NCAM1: variants seen among roughly 807,000 people sequenced by gnomAD.
The protein encoded by NCAM1 is antigen recognized by monoclonal antibody 5.1H11.
In NCAM1, 14 loss-of-function variants were observed where a neutral mutation model predicts 109.8. The observed-to-expected ratio is 0.13, with a 90% CI of 0.08 to 0.20. The LOEUF is 0.20. Ranked by LOEUF, NCAM1 falls within the 10% of genes least tolerant of loss-of-function variation. The pLI, the probability that NCAM1 is intolerant of heterozygous loss-of-function variation, is 1.00. For missense variants in NCAM1, 774 were observed against 1,109.9 expected, an observed-to-expected ratio of 0.70 and a Z score of 4.30; for synonymous variants, 418 against 442.9, an observed-to-expected ratio of 0.94 and a Z score of 0.70.
At chr11:113,145,570 C>G (rs1555101156) in intron 1 of NCAM1, among the ~76,000 whole-genome samples, 1 of 152,180 alleles carries the variant, frequency 6.6e-6, no homozygotes, top group African/African-American at 2.4e-5. Context: ...CTTATTGGCT[C>G]TCTCCTCTTC....
chr11:113,205,903 G>T, intron 4 of NCAM1, 140 bp from the exon 5 acceptor site: 1 of 1,165,548 alleles, frequency 8.6e-7, no homozygotes, highest in East Asian at 2.4e-5. Flanking sequence ...GTATTTCAAA[G>T]CCAGGGACGC....
chr11:113,236,195 A>G, intron 14 of NCAM1: 3 of 1,170,934 alleles, frequency 2.6e-6, no homozygotes, highest in South Asian at 1.4e-5. Flanking sequence ...TTCCAGCTCC[A>G]TGTGCTCTGC....
chr11:113,220,275 A>G (rs1159984970), intron 8 of NCAM1, among the ~76,000 whole-genome samples: 1 of 152,148 alleles, frequency 6.6e-6, no homozygotes, highest in Non-Finnish European at 1.5e-5. Context: ...TTGTGAATGG[A>G]ATGCCATGTT....
At position 113,206,720 on chromosome 11, in the gene NCAM1, TA is replaced by T. The variant is rs1944250157; in HGVS notation, c.629-540del. ...TTGAATTGTTTTGACTATTGACACA[TA>T]TTTTTTTTGCCAAACTCTCCCCATC... On this transcript the variant is annotated intron_variant, in intron 5 of 19. Coordinates refer to ENST00000316851, the MANE Select transcript of NCAM1 (RefSeq NM_181351.5). Among the ~76,000 whole-genome samples the T allele has an allele frequency of 3.3e-5, 5 of 152,258 alleles. No homozygotes were observed. The East Asian group carries it at 9.7e-4, about 30-fold the overall frequency.
intron 16 of NCAM1, among the ~76,000 whole-genome samples, chr11:113,259,003 T>C (rs566048087): frequency 1.1e-4 from 16 of 152,276 alleles, no homozygotes; most frequent in Admixed American, 1.0e-3. Flanking sequence ...TGTGTAAAGC[T>C]TTTGTAGTGC....
At chr11:113,236,400 T>C (rs1945169101) in intron 14 of NCAM1, 1 of 1,453,418 alleles carries the variant, frequency 6.9e-7, no homozygotes, top group Middle Eastern at 1.7e-4. Context: ...CTGGTCCCTT[T>C]TTTGTCCCCT....
chr11:113,131,232 A>T (rs1375260440), intron 1 of NCAM1, among the ~76,000 whole-genome samples: 1 of 152,038 alleles, frequency 6.6e-6, no homozygotes, highest in Admixed American at 6.6e-5. Flanking sequence ...TAGGCTGTGG[A>T]AGAGGCAAAC....
chr11:112,961,683 T>TTA lies in NCAM1; in HGVS notation c.52+19_52+20insTA, dbSNP rs1565349593. 8.1e-6 allele frequency: 11 copies of TTA among 1,353,554 alleles called. No individual in the cohort carries two copies. Among genetic ancestry groups the TTA allele is most frequent in the South Asian group, 5.0e-5 (4 of 79,358 alleles). 83.8% of individuals were successfully genotyped at this position (1,353,554 alleles called of 1,614,324 possible). A position where few individuals can be genotyped will look rare whatever the true frequency, so the allele number is the denominator to read the frequency against. On this transcript the variant is annotated intron_variant, in intron 1 of 19. Coordinates refer to ENST00000316851, the MANE Select transcript of NCAM1 (RefSeq NM_181351.5). ...ACTGCAGGTACATTTTTTTTTTTTT[T>TTA]AATTCTCAATCTGGTTTGCTAATTA...
At position 113,199,829 on chromosome 11, in the gene NCAM1, T is replaced by TGAAAAAAAAAAA. The variant is rs60389510; in HGVS notation, c.53-2550_53-2549insGAAAAAAAAAAA. ...GCAAATAAAGTAAAAGAAACACCCT[T>TGAAAAAAAAAAA]AAAAAAAAAAAAAAAAAAAACTTCT... On this transcript the variant is annotated intron_variant, in intron 1 of 19. Transcript: ENST00000316851. Among the ~76,000 whole-genome samples the TGAAAAAAAAAAA allele has an allele frequency of 1.6e-4, 18 of 115,776 alleles. 1 individual carries two copies. Among genetic ancestry groups the TGAAAAAAAAAAA allele is most frequent in the African/African-American group, 5.5e-4 (16 of 29,352 alleles). The allele number at this position is 115,776 out of a possible 152,430, so 76.0% of individuals were successfully genotyped here.
chr11:113,105,831 G>T (rs1332553593), intron 1 of NCAM1, among the ~76,000 whole-genome samples: 1 of 152,106 alleles, frequency 6.6e-6, no homozygotes, highest in Non-Finnish European at 1.5e-5. Context: ...AATTAGTGGC[G>T]CTGGTTGCCC....
intron 1 of NCAM1, among the ~76,000 whole-genome samples, chr11:113,127,899 CTGGG>C (rs1555097454): frequency 6.6e-6 from 1 of 152,166 alleles, no homozygotes; most frequent in African/African-American, 2.4e-5. Flanking sequence ...CCTCACTGTG[CTGGG>C]TACCTGTCCC....
At chr11:113,028,230 G>A in intron 1 of NCAM1, among the ~76,000 whole-genome samples, 1 of 152,126 alleles carries the variant, frequency 6.6e-6, no homozygotes. Context: ...TGATGAACAT[G>A]CTAATCACCC....
At chr11:113,059,219 A>G (rs1433031774) in intron 1 of NCAM1, among the ~76,000 whole-genome samples, 4 of 152,236 alleles carry the variant, frequency 2.6e-5, no homozygotes, top group African/African-American at 9.6e-5. Context: ...AGCTTAAGAT[A>G]GTGAGCTCAA....
At chr11:113,123,572 G>A (rs1344281906) in intron 1 of NCAM1, among the ~76,000 whole-genome samples, 9 of 152,160 alleles carry the variant, frequency 5.9e-5, no homozygotes, top group African/African-American at 2.2e-4. Context: ...CCTCTCTCTG[G>A]AGATGTGCCT....
intron 1 of NCAM1, among the ~76,000 whole-genome samples, chr11:113,030,630 T>A (rs1305918436): frequency 7.2e-5 from 11 of 152,230 alleles, no homozygotes; most frequent in Admixed American, 7.2e-4. Flanking sequence ...AACATTAACA[T>A]CAGTTGTACA....
At chr11:113,206,000 C>G in intron 4 of NCAM1, 43 bp from the exon 5 acceptor site, 1 of 1,612,316 alleles carries the variant, frequency 6.2e-7, no homozygotes, top group Non-Finnish European at 8.5e-7. Flanking sequence ...TGCAGATGCT[C>G]TCTGACTGAT....
chr11:113,125,288 G>C (rs1555096838), intron 1 of NCAM1, among the ~76,000 whole-genome samples: 1 of 152,128 alleles, frequency 6.6e-6, no homozygotes, highest in Admixed American at 6.6e-5. Context: ...ACCTATTAAG[G>C]AATGGACCAC....
chr11:113,083,216 A>T (rs1244703858), intron 1 of NCAM1, among the ~76,000 whole-genome samples: 3 of 152,146 alleles, frequency 2.0e-5, no homozygotes, highest in Non-Finnish European at 4.4e-5. Flanking sequence ...AACTCTTTAC[A>T]TCCCTTCTAT....
intron 1 of NCAM1, among the ~76,000 whole-genome samples, chr11:113,092,281 G>A (rs1555089496): frequency 6.6e-6 from 1 of 152,172 alleles, no homozygotes; most frequent in African/African-American, 2.4e-5. Flanking sequence ...TTGAGGTATA[G>A]AGAAAGGATC....
Sources: gnomAD v4.1 joint callset for allele counts (sites outside exome capture counted in the v4.1 genomes callset) on GRCh38, gnomAD v4.1.1 for gene constraint, MANE v1.5 for transcripts, NCBI Gene and HGNC (gene_info 2026-07-23, HGNC 2026-07-21) for gene names.